ZDHHC14: variants seen among roughly 807,000 people sequenced by gnomAD.
ZDHHC14 encodes zDHHC palmitoyltransferase 14, also known as palmitoyltransferase ZDHHC14.
A neutral mutation model predicts 47.7 loss-of-function variants in ZDHHC14; 16 were observed. The observed-to-expected ratio is 0.34, with a 90% CI of 0.23 to 0.51. The LOEUF is 0.51. Among genes scored for constraint, ZDHHC14 ranks in the 20% least tolerant of loss-of-function variants. The pLI, the probability that ZDHHC14 is intolerant of heterozygous loss-of-function variation, is 0.97. For synonymous variants in ZDHHC14, 293 were observed against 278.9 expected (o/e 1.05, Z -0.50); for missense variants, 515 against 662.5 (o/e 0.78, Z 2.44).
chr6:157,499,479 G>GCCCC lies in ZDHHC14; in HGVS notation c.246-43103_246-43100dup, dbSNP rs1043228228. Among the ~76,000 whole-genome samples, 271 of 146,694 alleles carry GCCCC rather than the reference G, an allele frequency of 1.8e-3. 1 individual carries two copies. The highest frequency in any genetic ancestry group is 3.4e-3 in the Non-Finnish European group (224 of 65,816). The stretch of plus-strand genomic sequence containing the variant: ...CATTTAACTTGTGTCACCTCTCAAA[G>GCCCC]CCCCCCACCCCGATATCATCCCATT... On this transcript the variant is annotated intron_variant, in intron 1 of 8. Coordinates refer to ENST00000359775, the MANE Select transcript of ZDHHC14 (RefSeq NM_024630.3).
chr6:157,479,262 G>C (rs1046705368), intron 1 of ZDHHC14, among the ~76,000 whole-genome samples: 4 of 152,230 alleles, frequency 2.6e-5, no homozygotes, highest in Admixed American at 6.5e-5. Context: ...AGGATTAAAT[G>C]AACACAGATA....
At chr6:157,572,601 A>G (rs1171953133) in intron 2 of ZDHHC14, among the ~76,000 whole-genome samples, 3 of 149,182 alleles carry the variant, frequency 2.0e-5, no homozygotes, top group Admixed American at 6.7e-5. Flanking sequence ...CCATTAACTC[A>G]TCATTTAGCA....
At chr6:157,414,821 CT>C (rs71027333) in intron 1 of ZDHHC14, among the ~76,000 whole-genome samples, 1,939 of 111,950 alleles carry the variant, frequency 0.017, 42 homozygotes, top group African/African-American at 0.059. Flanking sequence ...AGGTTTGCAG[CT>C]TTTTTTTTTT....
At chr6:157,436,486 G>C (rs1778441450) in intron 1 of ZDHHC14, among the ~76,000 whole-genome samples, 1 of 151,158 alleles carries the variant, frequency 6.6e-6, no homozygotes, top group Admixed American at 6.6e-5. Flanking sequence ...AGGATGGATT[G>C]GAGCAGAGGC....
chr6:157,442,298 A>G (rs1778575612), intron 1 of ZDHHC14, among the ~76,000 whole-genome samples: 1 of 152,178 alleles, frequency 6.6e-6, no homozygotes, highest in Admixed American at 6.5e-5. Context: ...TGGGAGAATC[A>G]TTTGAGCCCC....
chr6:157,632,646 C>A, intron 4 of ZDHHC14, 188 bp from the exon 5 acceptor site: 1 of 644,666 alleles, frequency 1.6e-6, no homozygotes, highest in Non-Finnish European at 2.8e-6. Flanking sequence ...ATTATGAATC[C>A]TCCATTTTCT....
chr6:157,642,973 A>T (rs1222261892), intron 5 of ZDHHC14, among the ~76,000 whole-genome samples: 1 of 152,340 alleles, frequency 6.6e-6, no homozygotes. Flanking sequence ...TAGGAAGGGG[A>T]CCAGCCTAAG....
intron 1 of ZDHHC14, among the ~76,000 whole-genome samples, chr6:157,453,788 T>TTTTTTTTTTGTGTGTG (rs3220439): frequency 6.8e-6 from 1 of 148,098 alleles, no homozygotes; most frequent in African/African-American, 2.5e-5. Context: ...TTTTTGTGTT[T>TTTTTTTTTTGTGTGTG]TGTGTGTGTG....
chr6:157,578,658 G>T (rs954432334), intron 2 of ZDHHC14, among the ~76,000 whole-genome samples: 1 of 152,204 alleles, frequency 6.6e-6, no homozygotes, highest in African/African-American at 2.4e-5. Flanking sequence ...AATCATGGGG[G>T]TGGTTTCCCC....
intron 2 of ZDHHC14, among the ~76,000 whole-genome samples, chr6:157,571,776 AT>A (rs548623336): frequency 0.023 from 2,802 of 122,430 alleles, 30 homozygotes; most frequent in African/African-American, 0.053. Context: ...AGGAATCTGT[AT>A]TTTTTTTTTT....
intron 5 of ZDHHC14, among the ~76,000 whole-genome samples, chr6:157,641,557 A>G (rs148045989): frequency 4.0e-4 from 61 of 152,302 alleles, no homozygotes; most frequent in African/African-American, 1.4e-3. Context: ...TTCTTTTTCT[A>G]CGAACATGTA....
intron 3 of ZDHHC14, among the ~76,000 whole-genome samples, chr6:157,611,379 T>G (rs1352761147): frequency 6.6e-6 from 1 of 152,210 alleles, no homozygotes; most frequent in Non-Finnish European, 1.5e-5. Context: ...TTTTAAGGTA[T>G]CACGTCTTTT....
chr6:157,390,465 C>CT (rs1422014522), intron 1 of ZDHHC14, among the ~76,000 whole-genome samples: 2 of 152,102 alleles, frequency 1.3e-5, no homozygotes, highest in Non-Finnish European at 2.9e-5. Context: ...TTTTTTCATT[C>CT]TTTTTTCAAA....
At chr6:157,546,516 T>C (rs1781978526) in intron 2 of ZDHHC14, among the ~76,000 whole-genome samples, 1 of 152,184 alleles carries the variant, frequency 6.6e-6, no homozygotes, top group African/African-American at 2.4e-5. Flanking sequence ...CTTCAGAGTC[T>C]GTTTCAAGGC....
chr6:157,654,785 G>A (rs1291592102), intron 8 of ZDHHC14, among the ~76,000 whole-genome samples: 1 of 151,708 alleles, frequency 6.6e-6, no homozygotes, highest in Non-Finnish European at 1.5e-5. Context: ...GCCCAGGCTG[G>A]AGTGCAGTGG....
Position 157,624,832 on chromosome 6 carries a change from T to C in ZDHHC14, c.566-3517T>C, listed in dbSNP as rs560941525. On this transcript the variant is annotated intron_variant, in intron 3 of 8. Transcript: ENST00000359775. Reference sequence around the variant, plus strand: ...AAAAACAAATGTGAGCATGTCTTAGTCCATTTTGTGCTGCTGTGACAGAGT... The same window carrying C: ...AAAAACAAATGTGAGCATGTCTTAGCCCATTTTGTGCTGCTGTGACAGAGT... Among the ~76,000 whole-genome samples, 10 of 152,318 alleles carry C rather than the reference T, an allele frequency of 6.6e-5. No individual in the cohort carries two copies. In the South Asian group the frequency reaches 1.7e-3, roughly 25 times the overall value.
At position 157,586,796 on chromosome 6, in the gene ZDHHC14, A is replaced by G. The variant is rs568559321; in HGVS notation, c.407-6192A>G. Among the ~76,000 whole-genome samples the G allele has an allele frequency of 6.6e-6, 1 of 152,278 alleles. No individual in the cohort carries two copies. The highest frequency in any genetic ancestry group is 1.5e-5 in the Non-Finnish European group (1 of 68,018). On this transcript the variant is annotated intron_variant, in intron 2 of 8. Coordinates refer to ENST00000359775, the MANE Select transcript of ZDHHC14 (RefSeq NM_024630.3). The surrounding 1 kb of genome is among the most constrained non-coding windows in gnomAD (Gnocchi z 4.6). ...GTCTTCTGATCCTTCCATTTCTTTTACATAAAGAGCTCTCCAAATATTTAG... is the reference window on the plus strand; with the variant it reads ...GTCTTCTGATCCTTCCATTTCTTTTGCATAAAGAGCTCTCCAAATATTTAG...
At chr6:157,484,422 A>G (rs540140898) in intron 1 of ZDHHC14, among the ~76,000 whole-genome samples, 94 of 136,938 alleles carry the variant, frequency 6.9e-4, no homozygotes, top group Non-Finnish European at 8.7e-4. Flanking sequence ...ACACATATAC[A>G]TATATATACG....
chr6:157,434,556 G>A (rs1778402354), intron 1 of ZDHHC14, among the ~76,000 whole-genome samples: 1 of 151,422 alleles, frequency 6.6e-6, no homozygotes, highest in Non-Finnish European at 1.5e-5. Flanking sequence ...TTTTATTTGG[G>A]TCATAAAAAC....
Sources: gnomAD v4.1 joint callset for allele counts (sites outside exome capture counted in the v4.1 genomes callset) on GRCh38, gnomAD v4.1.1 for gene constraint, Gnocchi (gnomAD v3.1) non-coding constraint, MANE v1.5 for transcripts, NCBI Gene and HGNC (gene_info 2026-07-23, HGNC 2026-07-21) for gene names.